The following MARK1 variants were observed in gnomAD, a reference collection of about 807,000 sequenced individuals.
The protein encoded by MARK1 is microtubule affinity regulating kinase 1.
MARK1 carries 40 observed loss-of-function variants against 96.3 expected under a neutral mutation model. The observed-to-expected ratio is 0.42, with a 90% CI of 0.32 to 0.54. The LOEUF (loss-of-function observed/expected upper bound fraction) is 0.54, where lower values mean the gene tolerates loss of function less well. Ranked by LOEUF, MARK1 falls within the 20% of genes least tolerant of loss-of-function variation. The pLI is 0.16. For missense variants in MARK1, 719 were observed against 984.6 expected (o/e 0.73, Z 3.61); for synonymous variants, 317 against 341.2 (o/e 0.93, Z 0.78).
chr1:220,626,754 G>A (rs959637154), intron 9 of MARK1: 4 of 334,066 alleles, frequency 1.2e-5, no homozygotes, highest in East Asian at 7.0e-5. Flanking sequence ...CCCTAGAGGC[G>A]GAGGTTGCAG....
intron 17 of MARK1, among the ~76,000 whole-genome samples, chr1:220,661,414 C>G (rs1234911972): frequency 6.6e-6 from 1 of 151,878 alleles, no homozygotes; most frequent in Non-Finnish European, 1.5e-5. Context: ...TCCAAAAAGG[C>G]AGAAAAAAGA....
chr1:220,558,527 A>G (rs1053805725), intron 1 of MARK1, among the ~76,000 whole-genome samples: 1 of 151,630 alleles, frequency 6.6e-6, no homozygotes, highest in Admixed American at 6.6e-5. Context: ...TGAAAGGTTG[A>G]AAAAAAGATG....
At position 220,590,962 on chromosome 1, in the gene MARK1, G is replaced by A. The variant is rs78623816; in HGVS notation, c.310-7369G>A. ...ATTGGAATTAAAAATTCCAGTTAAA[G>A]TTCTGATTAGAACTTTGGCCCTGCC... is the stretch of plus-strand genomic sequence containing the variant. On this transcript the variant is annotated intron_variant, in intron 3 of 17. Transcript: ENST00000366917. Among the ~76,000 whole-genome samples, 801 of 152,256 alleles carry A rather than the reference G, an allele frequency of 5.3e-3. 1 individual carries two copies. The highest frequency in any genetic ancestry group is 8.1e-3 in the Non-Finnish European group (550 of 68,006).
chr1:220,591,928 A>G (rs1665010380), intron 3 of MARK1, among the ~76,000 whole-genome samples: 2 of 151,874 alleles, frequency 1.3e-5, no homozygotes, highest in Admixed American at 6.6e-5. Flanking sequence ...ATTTTATTCC[A>G]GTCTTTTGCA....
chr1:220,579,583 A>G, intron 2 of MARK1, 26 bp downstream of exon 2: 1 of 1,590,296 alleles, frequency 6.3e-7, no homozygotes. Flanking sequence ...GCCTTTTAAT[A>G]TCTGCCTGGA....
intron 1 of MARK1, among the ~76,000 whole-genome samples, chr1:220,535,978 T>G (rs1660655678): frequency 6.6e-6 from 1 of 152,162 alleles, no homozygotes; most frequent in Non-Finnish European, 1.5e-5. Context: ...GAAGATTGTT[T>G]AGGCCATTCA....
At position 220,632,259 on chromosome 1, in the gene MARK1, G is replaced by A; in HGVS notation, c.1068G>A (p.Gln356=). Reference sequence around the variant, plus strand: ...AAATAAATGATGCCTTAATAAATCAGAAGTATGATGAAGTTATGGCTACTT... The same window carrying A: ...AAATAAATGATGCCTTAATAAATCAAAAGTATGATGAAGTTATGGCTACTT... ...RDEINDALIN[Q]KYDEVMATYI... The change falls in exon 11 of 18, where the codon CAG becomes CAA. Residue 356 remains glutamine (Q), a synonymous_variant. Transcript: ENST00000366917. 1 of 1,564,786 alleles carries A rather than the reference G, an allele frequency of 6.4e-7. No individual in the cohort carries two copies. Among genetic ancestry groups the A allele is most frequent in the Non-Finnish European group, 8.6e-7 (1 of 1,156,852 alleles).
chr1:220,623,427 C>A (rs1325037830), intron 9 of MARK1, among the ~76,000 whole-genome samples: 1 of 152,120 alleles, frequency 6.6e-6, no homozygotes, highest in African/African-American at 2.4e-5. Flanking sequence ...AGAGTTAAAC[C>A]CCCACATCTT....
At chr1:220,607,751 A>G (rs1045122200) in intron 6 of MARK1, among the ~76,000 whole-genome samples, 3 of 152,140 alleles carry the variant, frequency 2.0e-5, no homozygotes, top group Non-Finnish European at 2.9e-5. Context: ...TGGTTTATCG[A>G]GAGTTTTTAG....
rs1669520505 is a variant in MARK1, at chr1:220,662,272, T to G, written c.*106T>G. ...TGGTCTGCCTGTGAATCTCCCCATG[T>G]AGAATTTGCCCTTAATGCAATAAGG... On this transcript the variant is annotated 3_prime_UTR_variant, in exon 18 of 18. Coordinates refer to ENST00000366917, the MANE Select transcript of MARK1 (RefSeq NM_018650.5). 1 of 814,960 alleles carries G rather than the reference T, an allele frequency of 1.2e-6. No homozygotes were observed. Among genetic ancestry groups the G allele is most frequent in the Non-Finnish European group, 1.9e-6 (1 of 525,836 alleles). 50.5% of individuals were successfully genotyped at this position (814,960 alleles called of 1,614,324 possible).
intron 3 of MARK1, among the ~76,000 whole-genome samples, chr1:220,583,068 T>G (rs1664347472): frequency 6.6e-6 from 1 of 152,210 alleles, no homozygotes; most frequent in Non-Finnish European, 1.5e-5. Context: ...CATCTCCCAG[T>G]CAGTCATACT....
intron 6 of MARK1, among the ~76,000 whole-genome samples, chr1:220,610,452 A>T (rs1310954450): frequency 6.6e-6 from 1 of 152,096 alleles, no homozygotes; most frequent in African/African-American, 2.4e-5. Flanking sequence ...CCATTCGTCT[A>T]ATCTTTTTTC....
At chr1:220,599,925 AG>A (rs1406598831) in intron 5 of MARK1, 62 bp downstream of exon 5, 2 of 1,029,008 alleles carry the variant, frequency 1.9e-6, no homozygotes, top group East Asian at 5.2e-5. Context: ...TTAACACCTA[AG>A]AGTTCATTAT....
At chr1:220,652,359 A>G (rs1028760674) in intron 15 of MARK1, among the ~76,000 whole-genome samples, 5 of 152,214 alleles carry the variant, frequency 3.3e-5, no homozygotes, top group Non-Finnish European at 4.4e-5. Flanking sequence ...CATTTTCTAG[A>G]GGAATTTTTT....
chr1:220,574,535 G>A (rs1663699220), intron 1 of MARK1, among the ~76,000 whole-genome samples: 1 of 152,160 alleles, frequency 6.6e-6, no homozygotes, highest in African/African-American at 2.4e-5. Flanking sequence ...CACATGGAGT[G>A]AGGTGGGCCA....
intron 3 of MARK1, among the ~76,000 whole-genome samples, chr1:220,583,045 A>G (rs1572122716): frequency 6.6e-6 from 1 of 152,196 alleles, no homozygotes; most frequent in Admixed American, 6.5e-5. Context: ...GACCTTTCCC[A>G]TTTAGGCAGT....
chr1:220,553,417 T>C (rs1268280743), intron 1 of MARK1, among the ~76,000 whole-genome samples: 2 of 152,228 alleles, frequency 1.3e-5, no homozygotes, highest in Admixed American at 6.5e-5. Flanking sequence ...ATTGTTTCTT[T>C]CTTCATCACC....
At chr1:220,529,677 C>T (rs1306050927) in intron 1 of MARK1, among the ~76,000 whole-genome samples, 1 of 152,104 alleles carries the variant, frequency 6.6e-6, no homozygotes, top group Non-Finnish European at 1.5e-5. Flanking sequence ...ATCAGATTGC[C>T]CTCTGGAGCT....
intron 1 of MARK1, among the ~76,000 whole-genome samples, chr1:220,530,612 G>A (rs1008529115): frequency 2.0e-5 from 3 of 152,130 alleles, no homozygotes; most frequent in African/African-American, 7.2e-5. Context: ...AAAGACATGA[G>A]ATATAATTAT....
Sources: allele counts gnomAD v4.1 joint callset (sites outside exome capture counted in the v4.1 genomes callset), GRCh38; gene constraint gnomAD v4.1.1; transcripts MANE v1.5; gene names NCBI Gene and HGNC (gene_info 2026-07-23, HGNC 2026-07-21).